The following PDE11A variants were observed in gnomAD, a reference collection of about 807,000 sequenced individuals.
PDE11A encodes the protein phosphodiesterase 11A.
PDE11A carries 100 observed loss-of-function variants against 100.5 expected under a neutral mutation model. The ratio of observed to expected loss-of-function variants is 1.00; its 90% CI spans 0.85 to 1.18. PDE11A has a LOEUF of 1.18. Ranked by LOEUF, PDE11A falls within the 50% of genes most tolerant of loss-of-function variation. The probability of loss-of-function intolerance (pLI) is 0.00; values close to 1 mark genes in which losing one functional copy is unlikely to be tolerated. For missense variants in PDE11A, 1,141 were observed against 1,152.6 expected (o/e 0.99, Z 0.15); for synonymous variants, 381 against 420.8 (o/e 0.91, Z 1.16).
chr2:177,868,597 T>C (rs2084070079), intron 5 of PDE11A, among the ~76,000 whole-genome samples: 1 of 152,182 alleles, frequency 6.6e-6, no homozygotes, highest in African/African-American at 2.4e-5. Flanking sequence ...ATAAAGAATG[T>C]CACTCTTCTG....
At chr2:177,839,250 G>A (rs1200380651) in intron 6 of PDE11A, among the ~76,000 whole-genome samples, 1 of 152,178 alleles carries the variant, frequency 6.6e-6, no homozygotes, top group Non-Finnish European at 1.5e-5. Context: ...TTGAGAGGTA[G>A]TAGGACTGAA....
chr2:178,103,033 G>C (rs1307977027), intron 2 of PDE11A, among the ~76,000 whole-genome samples: 1 of 152,158 alleles, frequency 6.6e-6, no homozygotes, highest in African/African-American at 2.4e-5. Flanking sequence ...GTCATAACTA[G>C]AATTTCACCC....
At chr2:178,085,379 AC>A (rs2087336417) in intron 2 of PDE11A, among the ~76,000 whole-genome samples, 1 of 152,176 alleles carries the variant, frequency 6.6e-6, no homozygotes, top group East Asian at 1.9e-4. Flanking sequence ...AAATATGGGA[AC>A]AAAAGACACT....
chr2:177,739,711 G>C (rs1463624913), intron 10 of PDE11A, among the ~76,000 whole-genome samples: 3 of 152,190 alleles, frequency 2.0e-5, no homozygotes, highest in Non-Finnish European at 4.4e-5. Context: ...AAGAAAAACA[G>C]ACTCTAGTTT....
intron 9 of PDE11A, among the ~76,000 whole-genome samples, chr2:177,798,040 T>TC (rs1380039476): frequency 6.6e-6 from 1 of 152,192 alleles, no homozygotes; most frequent in Non-Finnish European, 1.5e-5. Flanking sequence ...GCCCTGCCTC[T>TC]CCCCTGCTGT....
At chr2:177,953,484 T>C (rs1329137158) in intron 2 of PDE11A, among the ~76,000 whole-genome samples, 1 of 152,190 alleles carries the variant, frequency 6.6e-6, no homozygotes, top group Non-Finnish European at 1.5e-5. Context: ...GTTAATATCA[T>C]ACAAGTTACA....
chr2:178,097,532 T>C (rs528083753), intron 2 of PDE11A, among the ~76,000 whole-genome samples: 16 of 152,128 alleles, frequency 1.1e-4, no homozygotes, highest in African/African-American at 3.9e-4. Flanking sequence ...TCCAATCACC[T>C]CCCACCCGGT....
At chr2:177,846,302 A>AT (rs2083601927) in intron 5 of PDE11A, among the ~76,000 whole-genome samples, 1 of 152,222 alleles carries the variant, frequency 6.6e-6, no homozygotes, top group African/African-American at 2.4e-5. Flanking sequence ...GATTAAGGTG[A>AT]TAATTCATGC....
chr2:177,717,393 C>A (rs2081455454), intron 12 of PDE11A, among the ~76,000 whole-genome samples: 1 of 151,400 alleles, frequency 6.6e-6, no homozygotes, highest in Non-Finnish European at 1.5e-5. Context: ...CTGCTGAAGA[C>A]AATATACTTT....
chr2:178,102,474 A>G (rs552014474), intron 2 of PDE11A, among the ~76,000 whole-genome samples: 2 of 119,726 alleles, frequency 1.7e-5, no homozygotes, highest in African/African-American at 6.6e-5. Context: ...GGGTTTCACC[A>G]TATTGGCCAA....
chr2:177,673,147 G>C (rs565295764), intron 17 of PDE11A, among the ~76,000 whole-genome samples: 4 of 152,130 alleles, frequency 2.6e-5, no homozygotes, highest in Admixed American at 6.6e-5. Context: ...TGTGGTTATG[G>C]GCAAATGGAA....
intron 5 of PDE11A, among the ~76,000 whole-genome samples, chr2:177,840,702 T>A (rs907376333): frequency 6.6e-6 from 1 of 152,142 alleles, no homozygotes; most frequent in African/African-American, 2.4e-5. Flanking sequence ...CAACAACTAA[T>A]AAAATTCCAT....
In PDE11A at chr2:177,774,456, C is replaced by T. The variant is rs34215270; in HGVS notation, c.1738-5083G>A. On this transcript the variant is annotated intron_variant, in intron 9 of 19. Transcript: ENST00000286063. Reference sequence around the variant, plus strand: ...CAGCAGTATTAAACTTGGGAGAGCACTCACTCCTATTTTGAAAAGTCTCCT... The same window carrying T: ...CAGCAGTATTAAACTTGGGAGAGCATTCACTCCTATTTTGAAAAGTCTCCT... Among the ~76,000 whole-genome samples, 613 of 152,302 alleles carry T rather than the reference C, an allele frequency of 4.0e-3. 4 individuals carry two copies. The highest frequency in any genetic ancestry group is 5.7e-3 in the Non-Finnish European group (385 of 68,042).
Position 177,898,109 on chromosome 2 carries a change from C to T in PDE11A, c.1251G>A (p.Leu417=), listed in dbSNP as rs76725221. The change falls in exon 4 of 20, where the codon CTG becomes CTA. Residue 417 remains leucine (L), a synonymous_variant. Transcript: ENST00000286063. ...AAACAGAACAGCGTTCACATTTCAG[C>T]AGAGTTTGGGCCCGATGCATTATTT... ...VKKIMHRAQT[L]LKCERCSVLL... The T allele has an allele frequency of 6.2e-7, 1 of 1,612,594 alleles. No homozygotes were observed. The highest frequency in any genetic ancestry group is 2.2e-5 in the East Asian group (1 of 44,846).
chr2:177,820,822 T>C (rs531845698), intron 6 of PDE11A, among the ~76,000 whole-genome samples: 2 of 148,752 alleles, frequency 1.3e-5, no homozygotes, highest in South Asian at 4.3e-4. Flanking sequence ...AAGATAGAGG[T>C]AGAGGTTTGA....
chr2:177,686,904 A>G (rs1056524962), intron 15 of PDE11A: 1 of 151,710 alleles, frequency 6.6e-6, no homozygotes, highest in African/African-American at 2.4e-5. Flanking sequence ...TTTAGTAGAG[A>G]TGGTGTTTTG....
At chr2:178,006,673 T>C (rs1022983736) in intron 2 of PDE11A, among the ~76,000 whole-genome samples, 4 of 152,152 alleles carry the variant, frequency 2.6e-5, no homozygotes, top group African/African-American at 9.7e-5. Context: ...AACAAAATTA[T>C]TGAACAAAGT....
intron 9 of PDE11A, among the ~76,000 whole-genome samples, chr2:177,815,059 T>A (rs1438106830): frequency 6.6e-6 from 1 of 152,200 alleles, no homozygotes; most frequent in Non-Finnish European, 1.5e-5. Context: ...TAGATGGGAC[T>A]AGTGTATGGT....
At chr2:177,725,671 T>C (rs1559161648) in intron 12 of PDE11A, among the ~76,000 whole-genome samples, 2 of 152,126 alleles carry the variant, frequency 1.3e-5, no homozygotes, top group Admixed American at 6.5e-5. Context: ...TGTGGTGACA[T>C]AGTTTAAGAA....
Sources: gnomAD v4.1 joint callset for allele counts (sites outside exome capture counted in the v4.1 genomes callset) on GRCh38, gnomAD v4.1.1 for gene constraint, MANE v1.5 for transcripts, NCBI Gene and HGNC (gene_info 2026-07-23, HGNC 2026-07-21) for gene names.